The following LOC400499 variants were observed in gnomAD, a reference collection of about 807,000 sequenced individuals.
the LOC400499 span, among the ~76,000 whole-genome samples, chr16:11,394,576 C>T: frequency 5.9e-4 from 90 of 152,342 alleles, no homozygotes; most frequent in Middle Eastern, 6.8e-3. Flanking sequence ...AAGCCCTAAC[C>T]TTCTATACCT....
At chr16:11,483,937 G>C in the LOC400499 span, among the ~76,000 whole-genome samples, 1 of 148,174 alleles carries the variant, frequency 6.7e-6, no homozygotes, top group Non-Finnish European at 1.5e-5. Context: ...AGAAGTCTAT[G>C]GTGACAGAAA....
At chr16:11,386,486 TG>T in the LOC400499 span, among the ~76,000 whole-genome samples, 1 of 152,232 alleles carries the variant, frequency 6.6e-6, no homozygotes, top group East Asian at 1.9e-4. Context: ...TAGGGAGCCC[TG>T]GGCCTGGGTG....
chr16:11,417,938 C>T, the LOC400499 span: 1 of 397,686 alleles, frequency 2.5e-6, no homozygotes, highest in Non-Finnish European at 4.4e-6. Context: ...GTTATCAGTG[C>T]CATCCACGTC....
chr16:11,472,300 C>G, the LOC400499 span: 5 of 152,080 alleles, frequency 3.3e-5, no homozygotes, highest in Admixed American at 2.0e-4. Flanking sequence ...TCAAGTGATT[C>G]TCCTGCCTCA....
At chr16:11,469,406 G>A in the LOC400499 span, 2 of 398,858 alleles carry the variant, frequency 5.0e-6, no homozygotes, top group Non-Finnish European at 8.8e-6. Flanking sequence ...CTGACCTCAG[G>A]AGGTCACAGA....
At chr16:11,501,131 G>A in the LOC400499 span, among the ~76,000 whole-genome samples, 2 of 152,066 alleles carry the variant, frequency 1.3e-5, no homozygotes, top group African/African-American at 2.4e-5. Context: ...CAGTCTGGCT[G>A]AGGCCCGTGC....
At chr16:11,417,536 G>C in the LOC400499 span, 2 of 398,166 alleles carry the variant, frequency 5.0e-6, no homozygotes, top group Admixed American at 4.4e-5. Flanking sequence ...GGACTTGACA[G>C]GAGTGCCACC....
At chr16:11,511,236 A>G in the LOC400499 span, among the ~76,000 whole-genome samples, 1 of 152,108 alleles carries the variant, frequency 6.6e-6, no homozygotes, top group Non-Finnish European at 1.5e-5. Context: ...GGCTCAAGCA[A>G]TCTGCTCACT....
At chr16:11,372,099 T>G in the LOC400499 span, 5 of 152,234 alleles carry the variant, frequency 3.3e-5, no homozygotes, top group Non-Finnish European at 2.9e-5. Flanking sequence ...CTTCCAATGA[T>G]GTAGCCTGGA....
At chr16:11,468,595 TA>T in the LOC400499 span, among the ~76,000 whole-genome samples, 2 of 152,130 alleles carry the variant, frequency 1.3e-5, no homozygotes, top group African/African-American at 2.4e-5. Context: ...CAACTTTCTG[TA>T]ATTACAGGTA....
At chr16:11,478,725 G>A in the LOC400499 span, 1 of 399,032 alleles carries the variant, frequency 2.5e-6, no homozygotes, top group East Asian at 3.6e-5. Context: ...AACACAGTCA[G>A]GGTTAGCAGA....
chr16:11,461,018 G>A, the LOC400499 span: 2 of 1,536,108 alleles, frequency 1.3e-6, no homozygotes, highest in Non-Finnish European at 1.7e-6. Context: ...CCCCGTTGCT[G>A]CAGCAGGCCA....
At chr16:11,460,032 T>C in the LOC400499 span, 1 of 1,465,050 alleles carries the variant, frequency 6.8e-7, no homozygotes. Flanking sequence ...GTGGCCCGAG[T>C]CCTCCTCATG....
the LOC400499 span, chr16:11,515,871 G>A: frequency 9.7e-5 from 2 of 20,702 alleles, no homozygotes; most frequent in South Asian, 9.6e-4. Context: ...GCCCAGCCCA[G>A]CCCAGCCCAG....
chr16:11,488,151 C>A, the LOC400499 span, among the ~76,000 whole-genome samples: 76,814 of 151,280 alleles, frequency 0.51, 20,863 homozygotes, highest in African/African-American at 0.69. Flanking sequence ...CGTTACCCGC[C>A]TCTTGGTGTA....
the LOC400499 span, chr16:11,383,857 T>C: frequency 3.2e-6 from 4 of 1,232,158 alleles, no homozygotes; most frequent in South Asian, 4.1e-5. Context: ...AAGGGCCTTC[T>C]GCACCCCATG....
chr16:11,372,967 C>A, the LOC400499 span, among the ~76,000 whole-genome samples: 10 of 152,374 alleles, frequency 6.6e-5, no homozygotes, highest in East Asian at 1.9e-3. Flanking sequence ...CTAGGCCCAG[C>A]CTGCTGAGTT....
the LOC400499 span, among the ~76,000 whole-genome samples, chr16:11,520,365 A>T: frequency 1.3e-5 from 2 of 152,172 alleles, no homozygotes; most frequent in Non-Finnish European, 2.9e-5. Flanking sequence ...TGATAGAAAT[A>T]AAAAAGGAAG....
the LOC400499 span, among the ~76,000 whole-genome samples, chr16:11,409,841 C>T: frequency 6.6e-6 from 1 of 151,006 alleles, no homozygotes; most frequent in African/African-American, 2.4e-5. Context: ...CTTAATGATA[C>T]AGAAAAAATG....
Sources: allele counts gnomAD v4.1 joint callset (sites outside exome capture counted in the v4.1 genomes callset), GRCh38; gene constraint gnomAD v4.1.1; transcripts MANE v1.5.